Variants in PRIM2 observed in about 807,000 individuals in gnomAD.
PRIM2 encodes DNA primase subunit 2.
PRIM2 carries 39 observed loss-of-function variants against 67.3 expected under a neutral mutation model. The ratio of observed to expected loss-of-function variants is 0.58; its 90% CI spans 0.45 to 0.76. PRIM2 has a LOEUF of 0.76. PRIM2 is among the 30% of genes least tolerant of loss of function. PRIM2 has a pLI of 0.00. For missense variants in PRIM2, 398 were observed against 598.7 expected, an observed-to-expected ratio of 0.66 and a Z score of 3.50; for synonymous variants, 143 against 198.7, an observed-to-expected ratio of 0.72 and a Z score of 2.36.
Position 57,534,296 on chromosome 6 carries a change from G to C in PRIM2, c.834+1813G>C, listed in dbSNP as rs1331326761. 2.6e-5 allele frequency among the ~76,000 whole-genome samples: 4 copies of C among 151,886 alleles called. No individual in the cohort carries two copies. The East Asian group carries it at 5.8e-4, about 22-fold the overall frequency. ...TATATCATCTGATACCTCCTTTGTT[G>C]CTATTCGACCCCCTCCCCCCACACC... is the stretch of plus-strand genomic sequence containing the variant. On this transcript the variant is annotated intron_variant, in intron 9 of 13. Transcript: ENST00000615550.
At chr6:57,535,196 G>A (rs1383249547) in intron 9 of PRIM2, among the ~76,000 whole-genome samples, 1 of 152,104 alleles carries the variant, frequency 6.6e-6, no homozygotes, top group East Asian at 1.9e-4. Context: ...ACTTGGCTTT[G>A]GCTACATGGC....
intron 13 of PRIM2, among the ~76,000 whole-genome samples, chr6:57,638,849 G>A (rs1307968008): frequency 6.6e-6 from 1 of 151,926 alleles, no homozygotes; most frequent in East Asian, 1.9e-4. Context: ...TTAGATCAAC[G>A]AGACAGAAAA....
chr6:57,620,799 G>T (rs1184645205), intron 12 of PRIM2, among the ~76,000 whole-genome samples: 1 of 152,230 alleles, frequency 6.6e-6, no homozygotes, highest in East Asian at 1.9e-4. Context: ...GAATGCATGA[G>T]AACTCATCAA....
intron 9 of PRIM2, among the ~76,000 whole-genome samples, chr6:57,535,593 G>A (rs1774986818): frequency 6.6e-6 from 1 of 152,172 alleles, no homozygotes; most frequent in African/African-American, 2.4e-5. Context: ...CAGGCGCAGT[G>A]GGTCATGCCA....
upstream of PRIM2, among the ~76,000 whole-genome samples, chr6:57,310,747 T>C (rs1490887274): frequency 1.5e-4 from 18 of 123,118 alleles, no homozygotes; most frequent in African/African-American, 5.7e-4. Context: ...CCAGACGGGG[T>C]GGCCAGGCAG....
At chr6:57,429,416 T>C (rs2127377980) in intron 7 of PRIM2, among the ~76,000 whole-genome samples, 1 of 152,236 alleles carries the variant, frequency 6.6e-6, no homozygotes, top group East Asian at 1.9e-4. Flanking sequence ...TTAGCAGGAT[T>C]CTTGCTGACA....
At chr6:57,445,575 C>T (rs1170961200) in intron 7 of PRIM2, among the ~76,000 whole-genome samples, 1 of 152,184 alleles carries the variant, frequency 6.6e-6, no homozygotes, top group Non-Finnish European at 1.5e-5. Flanking sequence ...TGCACACCCC[C>T]AACCCTTTCT....
intron 7 of PRIM2, among the ~76,000 whole-genome samples, chr6:57,422,116 G>A (rs567167896): frequency 1.4e-5 from 2 of 144,948 alleles, no homozygotes; most frequent in South Asian, 4.6e-4. Flanking sequence ...AATTTATGTA[G>A]TCAAATAGAA....
chr6:57,530,669 C>A (rs1343348154), intron 8 of PRIM2, among the ~76,000 whole-genome samples: 1 of 151,664 alleles, frequency 6.6e-6, no homozygotes, highest in Non-Finnish European at 1.5e-5. Context: ...TCCTTCTTAG[C>A]CTGTAGGAGG....
At chr6:57,371,614 CAG>C (rs1554331016) in intron 5 of PRIM2, among the ~76,000 whole-genome samples, 1 of 152,074 alleles carries the variant, frequency 6.6e-6, no homozygotes, top group Non-Finnish European at 1.5e-5. Flanking sequence ...GTGGGGAACA[CAG>C]AGATGTATAT....
chr6:57,544,215 G>A (rs1562788125), intron 10 of PRIM2, among the ~76,000 whole-genome samples: 1 of 151,984 alleles, frequency 6.6e-6, no homozygotes, highest in African/African-American at 2.4e-5. Flanking sequence ...TCTGTGTGGG[G>A]GAGAAGTTTA....
upstream of PRIM2, among the ~76,000 whole-genome samples, chr6:57,316,800 A>C (rs1767495138): frequency 6.6e-6 from 1 of 152,224 alleles, no homozygotes; most frequent in Admixed American, 6.5e-5. Flanking sequence ...TCTGGAAAGT[A>C]AGCGGCACGT....
At chr6:57,392,127 T>G (rs9349858) in intron 7 of PRIM2, among the ~76,000 whole-genome samples, 1 of 152,172 alleles carries the variant, frequency 6.6e-6, no homozygotes. Context: ...TTTATTCTTT[T>G]TGTGGCAATT....
chr6:57,284,375 T>C, the PRIM2 span, among the ~76,000 whole-genome samples: 20 of 152,344 alleles, frequency 1.3e-4, 1 homozygote, highest in African/African-American at 1.7e-4. Context: ...AATCAAACTG[T>C]TAAAATGTGT....
chr6:57,527,688 C>G (rs1359583046), intron 8 of PRIM2, among the ~76,000 whole-genome samples: 100 of 152,280 alleles, frequency 6.6e-4, no homozygotes, highest in African/African-American at 2.4e-3. Flanking sequence ...CACCATCTGC[C>G]TTTCTTGTGT....
chr6:57,370,793 G>A lies in PRIM2; in HGVS notation c.460-9108G>A, dbSNP rs1769526742. 2.7e-5 allele frequency among the ~76,000 whole-genome samples: 4 copies of A among 149,080 alleles called. No homozygotes were observed. In the Admixed American group the frequency reaches 2.7e-4, roughly 10 times the overall value. ...CACTGCAACCTTTGCCTGCCTCCTA[G>A]GTTCAAGCTATTTTCCTGCCTCAGC... On this transcript the variant is annotated intron_variant, in intron 5 of 13. Transcript: ENST00000615550.
rs1469167401 is a variant in PRIM2, at chr6:57,488,709, G to A, written c.694-18678G>A. On this transcript the variant is annotated intron_variant, in intron 7 of 13. Coordinates refer to ENST00000615550, the MANE Select transcript of PRIM2 (RefSeq NM_000947.5). ...TTGTTGGATTCCTGAAGAGATACACGACTCACACAGGCTGTGGATGGAACA... is the reference window on the plus strand; with the variant it reads ...TTGTTGGATTCCTGAAGAGATACACAACTCACACAGGCTGTGGATGGAACA... 1.2e-4 allele frequency among the ~76,000 whole-genome samples: 18 copies of A among 152,268 alleles called. 1 individual carries two copies. The highest frequency in any genetic ancestry group is 1.8e-4 in the Non-Finnish European group (12 of 68,022).
chr6:57,373,930 C>T (rs1347298833), intron 5 of PRIM2, among the ~76,000 whole-genome samples: 1 of 151,956 alleles, frequency 6.6e-6, no homozygotes, highest in African/African-American at 2.4e-5. Context: ...GTTATTTGGG[C>T]TCCTTTTTGG....
chr6:57,224,462 GTT>G, the PRIM2 span, among the ~76,000 whole-genome samples: 2 of 152,154 alleles, frequency 1.3e-5, no homozygotes, highest in African/African-American at 4.8e-5. Flanking sequence ...GGGAGTTACT[GTT>G]TTATGTCTAC....
Sources: gnomAD v4.1 joint callset for allele counts (sites outside exome capture counted in the v4.1 genomes callset) on GRCh38, gnomAD v4.1.1 for gene constraint, MANE v1.5 for transcripts, NCBI Gene and HGNC (gene_info 2026-07-23, HGNC 2026-07-21) for gene names.